Variants in SLC30A8 observed in about 807,000 individuals in gnomAD.
The protein encoded by SLC30A8 is proton-coupled zinc antiporter SLC30A8.
In SLC30A8, 27 loss-of-function variants were observed where a neutral mutation model predicts 36.9. The ratio of observed to expected loss-of-function variants is 0.73; its 90% CI spans 0.54 to 1.01. SLC30A8 has a LOEUF of 1.01. Ranked by LOEUF, SLC30A8 falls within the 50% of genes least tolerant of loss-of-function variation. The probability of loss-of-function intolerance (pLI) is 0.00; values close to 1 mark genes in which losing one functional copy is unlikely to be tolerated. For synonymous variants in SLC30A8, 164 were observed against 172.4 expected, an observed-to-expected ratio of 0.95 and a Z score of 0.38; for missense variants, 439 against 452.0, an observed-to-expected ratio of 0.97 and a Z score of 0.26.
chr8:117,111,156 T>C (rs1586535016), intron 2 of SLC30A8, among the ~76,000 whole-genome samples: 1 of 152,178 alleles, frequency 6.6e-6, no homozygotes, highest in Middle Eastern at 3.4e-3. Context: ...TTAGAAAAAA[T>C]AGTTAACACA....
intron 1 of SLC30A8, among the ~76,000 whole-genome samples, chr8:116,985,052 G>A (rs2130650494): frequency 6.6e-6 from 1 of 151,858 alleles, no homozygotes; most frequent in African/African-American, 2.4e-5. Flanking sequence ...GCTTGAGAAG[G>A]TTGTTGCAAA....
Position 117,174,889 on chromosome 8 carries a change from A to G in SLC30A8, c.*2208A>G, listed in dbSNP as rs1038014220. ...ATGTTTATATGGCAAAATGCAAGAC[A>G]ATCTACAAGGGAGATTTTAAGGATT... On this transcript the variant is annotated 3_prime_UTR_variant, in exon 8 of 8. Coordinates refer to ENST00000456015, the MANE Select transcript of SLC30A8 (RefSeq NM_173851.3). 4 of 152,356 alleles carry G rather than the reference A, an allele frequency of 2.6e-5. No individual in the cohort carries two copies. The highest frequency in any genetic ancestry group is 9.7e-5 in the African/African-American group (4 of 41,274). 9.4% of individuals were successfully genotyped at this position (152,356 alleles called of 1,614,324 possible).
chr8:116,975,005 T>A, intron 1 of SLC30A8, among the ~76,000 whole-genome samples: 1 of 115,770 alleles, frequency 8.6e-6, no homozygotes, highest in African/African-American at 3.3e-5. Flanking sequence ...TTGGACACAG[T>A]GGGGAACATC....
intron 2 of SLC30A8, among the ~76,000 whole-genome samples, chr8:117,069,601 G>T (rs2130796615): frequency 6.6e-6 from 1 of 152,310 alleles, no homozygotes; most frequent in African/African-American, 2.4e-5. Context: ...TAAGTATTTT[G>T]AAGTTTTGAA....
chr8:116,981,427 A>G (rs1472527115), intron 1 of SLC30A8, among the ~76,000 whole-genome samples: 2 of 152,162 alleles, frequency 1.3e-5, no homozygotes, highest in African/African-American at 4.8e-5. Context: ...TTAAAGTTAT[A>G]TTTTAGATTC....
chr8:116,968,793 A>G (rs1210756881), intron 1 of SLC30A8, among the ~76,000 whole-genome samples: 1 of 151,856 alleles, frequency 6.6e-6, no homozygotes, highest in Non-Finnish European at 1.5e-5. Flanking sequence ...CTGGAGTGCA[A>G]TGGCACGATC....
At chr8:116,960,590 C>T (rs1476367997) in intron 1 of SLC30A8, among the ~76,000 whole-genome samples, 1 of 152,178 alleles carries the variant, frequency 6.6e-6, no homozygotes, top group Non-Finnish European at 1.5e-5. Flanking sequence ...TACAACGTCG[C>T]AGTAAGAGGT....
rs79765963 is a variant in SLC30A8, at chr8:117,141,759, C to G, written c.72-5195C>G. 1.1e-3 allele frequency among the ~76,000 whole-genome samples: 164 copies of G among 152,226 alleles called. 2 individuals carry two copies. The East Asian group carries it at 0.03, about 28-fold the overall frequency. ...ATAAGGATGTCCACTTCAATGAGTTCTACTCAACGTGGTACTGTGTGTTCT... is the reference window on the plus strand; with the variant it reads ...ATAAGGATGTCCACTTCAATGAGTTGTACTCAACGTGGTACTGTGTGTTCT... On this transcript the variant is annotated intron_variant, in intron 1 of 7. Transcript: ENST00000456015.
intron 1 of SLC30A8, among the ~76,000 whole-genome samples, chr8:116,953,619 C>T (rs1814078903): frequency 6.6e-6 from 1 of 152,128 alleles, no homozygotes; most frequent in Non-Finnish European, 1.5e-5. Context: ...GAACTTGCAG[C>T]TTTCTAGGGT....
intron 1 of SLC30A8, among the ~76,000 whole-genome samples, chr8:117,029,751 A>G (rs1168954157): frequency 6.6e-6 from 1 of 152,222 alleles, no homozygotes; most frequent in Non-Finnish European, 1.5e-5. Context: ...TTTCTCCTGT[A>G]CAGAGTTTTT....
chr8:117,044,014 T>C (rs896529114), intron 2 of SLC30A8, among the ~76,000 whole-genome samples: 1 of 152,192 alleles, frequency 6.6e-6, no homozygotes, highest in African/African-American at 2.4e-5. Flanking sequence ...CTAGTAGTTA[T>C]TATATAGTGT....
intron 2 of SLC30A8, among the ~76,000 whole-genome samples, chr8:117,056,736 G>T (rs1817884601): frequency 6.6e-6 from 1 of 152,034 alleles, no homozygotes; most frequent in Non-Finnish European, 1.5e-5. Context: ...TAAGCCCTTT[G>T]GGGAAAATAA....
At chr8:117,034,156 C>T (rs1347699586) in intron 1 of SLC30A8, among the ~76,000 whole-genome samples, 2 of 152,130 alleles carry the variant, frequency 1.3e-5, no homozygotes, top group African/African-American at 4.8e-5. Context: ...GGAGCAGATT[C>T]AGTGAGATTA....
At chr8:117,069,441 T>C (rs1818263473) in intron 2 of SLC30A8, among the ~76,000 whole-genome samples, 1 of 152,336 alleles carries the variant, frequency 6.6e-6, no homozygotes, top group Non-Finnish European at 1.5e-5. Context: ...ATGAGTTTTA[T>C]ATTATAATTG....
At chr8:117,065,000 A>G (rs189973914) in intron 2 of SLC30A8, among the ~76,000 whole-genome samples, 5 of 152,338 alleles carry the variant, frequency 3.3e-5, no homozygotes, top group African/African-American at 1.2e-4. Flanking sequence ...AATAAACTCA[A>G]TGTCTTTACA....
At chr8:117,025,475 C>T (rs181890947) in intron 1 of SLC30A8, among the ~76,000 whole-genome samples, 2 of 152,194 alleles carry the variant, frequency 1.3e-5, no homozygotes, top group African/African-American at 4.8e-5. Flanking sequence ...ATGTCCCTTG[C>T]ACAATTAAGC....
chr8:117,011,490 G>A (rs1046796745), intron 1 of SLC30A8, among the ~76,000 whole-genome samples: 1 of 152,184 alleles, frequency 6.6e-6, no homozygotes, highest in South Asian at 2.1e-4. Flanking sequence ...CTTCTACCCT[G>A]TTCTATACCA....
intron 2 of SLC30A8, among the ~76,000 whole-genome samples, chr8:117,112,056 G>C (rs1392415259): frequency 1.3e-5 from 2 of 152,102 alleles, no homozygotes; most frequent in Non-Finnish European, 2.9e-5. Context: ...CTGTAAAAAA[G>C]AGGATGACAT....
chr8:117,131,610 C>T (rs928943469), upstream of SLC30A8, among the ~76,000 whole-genome samples: 2 of 151,912 alleles, frequency 1.3e-5, no homozygotes, highest in African/African-American at 4.8e-5. Context: ...GCTGAAGTCC[C>T]CAGATCTTCC....
Sources: gnomAD v4.1 joint callset for allele counts (sites outside exome capture counted in the v4.1 genomes callset) on GRCh38, gnomAD v4.1.1 for gene constraint, MANE v1.5 for transcripts, NCBI Gene and HGNC (gene_info 2026-07-23, HGNC 2026-07-21) for gene names.